Variants in DRC9 observed in about 807,000 individuals in gnomAD.
DRC9 encodes dynein regulatory complex subunit 9.
chr3:197,935,439 C>CAA, the DRC9 span, among the ~76,000 whole-genome samples: 27 of 95,242 alleles, frequency 2.8e-4, no homozygotes, highest in African/African-American at 1.0e-3. Context: ...ACTCTGTCTC[C>CAA]AAAAAAAAAA....
At chr3:197,955,067 TC>T in the DRC9 span, among the ~76,000 whole-genome samples, 17 of 152,226 alleles carry the variant, frequency 1.1e-4, no homozygotes, top group Middle Eastern at 6.8e-3. Flanking sequence ...CTCAAATAGT[TC>T]GTACTTTTTC....
chr3:197,901,422 G>C, the DRC9 span, among the ~76,000 whole-genome samples: 1 of 152,202 alleles, frequency 6.6e-6, no homozygotes, highest in African/African-American at 2.4e-5. This position sits in a 1 kb window ranked among gnomAD's most constrained non-coding sequence, Gnocchi z 4.4. Context: ...ATAGGCATGA[G>C]CCACCGCCCC....
chr3:197,905,230 T>C, the DRC9 span, among the ~76,000 whole-genome samples: 1 of 152,134 alleles, frequency 6.6e-6, no homozygotes, highest in South Asian at 2.1e-4. Flanking sequence ...CAAACGCGTG[T>C]AATGAGATCA....
the DRC9 span, chr3:197,913,353 C>CGTGT: frequency 5.3e-6 from 1 of 188,538 alleles, no homozygotes; most frequent in African/African-American, 5.6e-5. Context: ...TGCGTGTGTG[C>CGTGT]GTGCGTGCGT....
At chr3:197,938,832 C>A in the DRC9 span, 2 of 1,236,244 alleles carry the variant, frequency 1.6e-6, no homozygotes, top group Non-Finnish European at 2.4e-6. Flanking sequence ...GACAATACAA[C>A]AAGAAAGAGG....
At chr3:197,956,889 C>G in the DRC9 span, 1 of 152,072 alleles carries the variant, frequency 6.6e-6, no homozygotes, top group South Asian at 2.1e-4. Flanking sequence ...TGTCTGCCCC[C>G]TGAGGGTTAC....
the DRC9 span, among the ~76,000 whole-genome samples, chr3:197,954,884 C>G: frequency 6.6e-6 from 1 of 152,146 alleles, no homozygotes; most frequent in Non-Finnish European, 1.5e-5. Flanking sequence ...TCAACAGTTA[C>G]GCCTGGCATA....
chr3:197,913,160 T>A, the DRC9 span: 7 of 171,332 alleles, frequency 4.1e-5, no homozygotes, highest in Admixed American at 4.0e-4. Flanking sequence ...CCTGCTTCCC[T>A]CTTCCCATCT....
chr3:197,956,711 CCT>C, the DRC9 span: 1 of 149,680 alleles, frequency 6.7e-6, no homozygotes, highest in South Asian at 2.1e-4. Flanking sequence ...GCAACCTCAA[CCT>C]CAACCTCCTC....
the DRC9 span, among the ~76,000 whole-genome samples, chr3:197,940,264 G>A: frequency 2.0e-5 from 3 of 151,162 alleles, no homozygotes; most frequent in African/African-American, 7.3e-5. Flanking sequence ...CCAAAGTGCT[G>A]GGATGACAGG....
At chr3:197,942,947 A>G in the DRC9 span, among the ~76,000 whole-genome samples, 3 of 151,858 alleles carry the variant, frequency 2.0e-5, no homozygotes, top group East Asian at 1.9e-4. Flanking sequence ...GTTATTATTT[A>G]TAACTTGATA....
the DRC9 span, among the ~76,000 whole-genome samples, chr3:197,954,641 C>G: frequency 2.0e-5 from 3 of 152,146 alleles, no homozygotes; most frequent in African/African-American, 7.2e-5. Flanking sequence ...TCCCGAGTAG[C>G]TGGAATTACA....
chr3:197,947,678 G>A, the DRC9 span, among the ~76,000 whole-genome samples: 1 of 152,228 alleles, frequency 6.6e-6, no homozygotes, highest in Non-Finnish European at 1.5e-5. Context: ...TGCTCTGAGA[G>A]ATGGACCCGT....
the DRC9 span, among the ~76,000 whole-genome samples, chr3:197,904,054 A>C: frequency 1.3e-5 from 1 of 76,166 alleles, no homozygotes; most frequent in Non-Finnish European, 2.5e-5. Context: ...ATATACATAC[A>C]TATATATATA....
At chr3:197,923,359 G>C in the DRC9 span, among the ~76,000 whole-genome samples, 2 of 152,102 alleles carry the variant, frequency 1.3e-5, no homozygotes, top group African/African-American at 4.8e-5. Context: ...TGCCCAAGCT[G>C]GTCTTAAACC....
At chr3:197,905,376 ATTAAAAATTAGAAAAAGAAAAGAGT>A in the DRC9 span, among the ~76,000 whole-genome samples, 1 of 152,180 alleles carries the variant, frequency 6.6e-6, no homozygotes, top group African/African-American at 2.4e-5. Flanking sequence ...GCCCACAAAA[ATTAAAAATTAGAAAAAGAAAAGAGT>A]TTAAAATAGA....
chr3:197,930,425 A>G, the DRC9 span, among the ~76,000 whole-genome samples: 1 of 152,134 alleles, frequency 6.6e-6, no homozygotes, highest in Non-Finnish European at 1.5e-5. Flanking sequence ...AAGGGTTAGA[A>G]GATAAGGCCA....
At chr3:197,911,299 A>C in the DRC9 span, among the ~76,000 whole-genome samples, 1 of 152,232 alleles carries the variant, frequency 6.6e-6, no homozygotes, top group Non-Finnish European at 1.5e-5. Context: ...CACAGATTCG[A>C]GAGTATTAGC....
chr3:197,945,603 T>C, the DRC9 span: 1 of 1,558,326 alleles, frequency 6.4e-7, no homozygotes, highest in Non-Finnish European at 8.8e-7. Context: ...CAAAAAACAT[T>C]GGAATTTTAA....
Sources: allele counts gnomAD v4.1 joint callset (sites outside exome capture counted in the v4.1 genomes callset), GRCh38; gene constraint gnomAD v4.1.1; non-coding constraint Gnocchi (gnomAD v3.1); transcripts MANE v1.5; gene names NCBI Gene and HGNC (gene_info 2026-07-23, HGNC 2026-07-21).